Variants in ABR observed in about 807,000 individuals in gnomAD.
ABR encodes the protein ABR activator of RhoGEF and GTPase.
In ABR, 35 loss-of-function variants were observed where a neutral mutation model predicts 107.2. The observed-to-expected ratio is 0.33, with a 90% confidence interval of 0.25 to 0.43. ABR has a LOEUF of 0.43. Ranked by LOEUF, ABR falls within the 20% of genes least tolerant of loss-of-function variation. ABR has a pLI of 1.00. For missense variants in ABR, 815 were observed against 1,115.2 expected, an observed-to-expected ratio of 0.73 and a Z score of 3.83; for synonymous variants, 498 against 462.0, an observed-to-expected ratio of 1.08 and a Z score of -1.00.
intron 16 of ABR, among the ~76,000 whole-genome samples, chr17:1,038,428 G>A (rs746262593): frequency 3.9e-5 from 6 of 152,310 alleles, no homozygotes; most frequent in Non-Finnish European, 7.4e-5. Context: ...GTGGCTGTGG[G>A]TTCGCCCTGG....
chr17:1,049,987 C>G, intron 16 of ABR, 63 bp downstream of exon 16: 10 of 1,558,438 alleles, frequency 6.4e-6, no homozygotes, highest in Non-Finnish European at 8.6e-6. Flanking sequence ...GACCAGAATT[C>G]CTTTTCAACT....
Position 1,179,542 on chromosome 17 carries a change from G to T in ABR, c.61+125C>A. 1 of 1,015,558 alleles carries T rather than the reference G, an allele frequency of 9.8e-7. No individual in the cohort carries two copies. Among genetic ancestry groups the T allele is most frequent in the Non-Finnish European group, 1.3e-6 (1 of 770,434 alleles). 62.9% of individuals were successfully genotyped at this position (1,015,558 alleles called of 1,614,324 possible). A position where few individuals can be genotyped will look rare whatever the true frequency, so the allele number is the denominator to read the frequency against. ...GATCTCGCCCCCGCCCGCGCTCCCCGGACCAGCCCGGTGCCTGGGTCCCGA... is the reference window on the plus strand; with the variant it reads ...GATCTCGCCCCCGCCCGCGCTCCCCTGACCAGCCCGGTGCCTGGGTCCCGA... On this transcript the variant is annotated intron_variant, in intron 1 of 22. Coordinates refer to ENST00000302538, the MANE Select transcript of ABR (RefSeq NM_021962.5). The surrounding 1 kb of genome is among the most constrained non-coding windows in gnomAD (Gnocchi z 4.9).
In ABR at chr17:1,079,322, C is replaced by G. The variant is rs199542216; in HGVS notation, c.700+8G>C. On this transcript the variant is annotated splice_region_variant and intron_variant, in intron 6 of 22. Transcript: ENST00000302538. ...GGTGCCTGTAATCCAGCCCGCTCCC[C>G]GAGGTACCTTCCATGGTGACAGACG... 5.6e-6 allele frequency: 9 copies of G among 1,612,724 alleles called. No homozygotes were observed. Among genetic ancestry groups the G allele is most frequent in the Middle Eastern group, 1.6e-4 (1 of 6,084 alleles).
intron 21 of ABR, among the ~76,000 whole-genome samples, chr17:1,007,655 G>A (rs1449380229): frequency 6.6e-6 from 1 of 152,218 alleles, no homozygotes; most frequent in African/African-American, 2.4e-5. Flanking sequence ...CACACTCGCC[G>A]CAGTCCTTTG....
intron 16 of ABR, among the ~76,000 whole-genome samples, chr17:1,040,048 C>T (rs2030075635): frequency 6.6e-6 from 1 of 152,176 alleles, no homozygotes; most frequent in African/African-American, 2.4e-5. Context: ...GTCAGTGTGG[C>T]CCACGCGTGA....
At chr17:1,198,434 A>C (rs1373624751) in intron 1 of ABR, among the ~76,000 whole-genome samples, 1 of 151,390 alleles carries the variant, frequency 6.6e-6, no homozygotes, top group Non-Finnish European at 1.5e-5. Context: ...CCTCTGCCTG[A>C]TTCTGCAATC....
At chr17:1,032,930 G>A (rs955934512) in intron 16 of ABR, among the ~76,000 whole-genome samples, 6 of 152,172 alleles carry the variant, frequency 3.9e-5, no homozygotes, top group Admixed American at 6.5e-5. Flanking sequence ...TCAAACGCCC[G>A]ACTGCATGTG....
chr17:1,216,165 G>T (rs774614970), intron 1 of ABR, among the ~76,000 whole-genome samples: 33 of 151,120 alleles, frequency 2.2e-4, no homozygotes, highest in Non-Finnish European at 2.4e-4. Context: ...ACCCAAGAAT[G>T]ATCAATAAAT....
intron 16 of ABR, among the ~76,000 whole-genome samples, chr17:1,022,749 C>T (rs1047320460): frequency 3.9e-5 from 6 of 152,212 alleles, no homozygotes; most frequent in Non-Finnish European, 8.8e-5. Flanking sequence ...CCAAGGTGTC[C>T]TGCAGCCAAG....
At chr17:1,101,638 T>TGAATGTCCA (rs1320789403) in intron 2 of ABR, among the ~76,000 whole-genome samples, 1 of 152,208 alleles carries the variant, frequency 6.6e-6, no homozygotes, top group Non-Finnish European at 1.5e-5. Flanking sequence ...AAATATTTAC[T>TGAATGTCCA]GAATGTCCAC....
At chr17:1,038,031 C>T (rs1027784712) in intron 16 of ABR, among the ~76,000 whole-genome samples, 4 of 152,278 alleles carry the variant, frequency 2.6e-5, no homozygotes, top group East Asian at 1.9e-4. Flanking sequence ...CTGCCCACCT[C>T]GTCGGATAAA....
intron 1 of ABR, among the ~76,000 whole-genome samples, chr17:1,213,908 G>A (rs1245885369): frequency 1.3e-5 from 2 of 151,916 alleles, no homozygotes; most frequent in Non-Finnish European, 2.9e-5. Context: ...TGTTTTTTGA[G>A]ACCGAGTCTC....
At chr17:1,099,629 A>G (rs2037733106) in intron 3 of ABR, among the ~76,000 whole-genome samples, 1 of 152,246 alleles carries the variant, frequency 6.6e-6, no homozygotes, top group South Asian at 2.1e-4. Flanking sequence ...ATCACTCTGC[A>G]TAACATCCAG....
chr17:1,153,461 G>A (rs1379898208), intron 1 of ABR, among the ~76,000 whole-genome samples: 6 of 135,938 alleles, frequency 4.4e-5, no homozygotes, highest in Admixed American at 1.4e-4. Context: ...GCACACCTGC[G>A]GGAGGGCTGG....
intron 1 of ABR, among the ~76,000 whole-genome samples, chr17:1,160,318 A>G (rs1222859193): frequency 6.6e-6 from 1 of 151,832 alleles, no homozygotes; most frequent in Non-Finnish European, 1.5e-5. Flanking sequence ...AAAAGGACTA[A>G]CACAGCCTCT....
intron 1 of ABR, among the ~76,000 whole-genome samples, chr17:1,178,564 C>CAAAAA (rs11301468): frequency 1.1e-4 from 13 of 121,870 alleles, no homozygotes; most frequent in African/African-American, 3.4e-4. Context: ...GACTCCGTCT[C>CAAAAA]AAAAAAAAAA....
chr17:1,150,566 C>A lies in ABR; in HGVS notation c.62-25199G>T, dbSNP rs1339619981. Among the ~76,000 whole-genome samples the A allele has an allele frequency of 1.3e-5, 2 of 152,196 alleles. No individual in the cohort carries two copies. The highest frequency in any genetic ancestry group is 4.8e-5 in the African/African-American group (2 of 41,442). On this transcript the variant is annotated intron_variant, in intron 1 of 22. Transcript: ENST00000302538. The surrounding 1 kb of genome is among the most constrained non-coding windows in gnomAD (Gnocchi z 4.8). ...GAGGACGGGCCCCGGGCATGGCAAGCGCACTGCCCCCTCTCACTCCTCCGG... is the reference window on the plus strand; with the variant it reads ...GAGGACGGGCCCCGGGCATGGCAAGAGCACTGCCCCCTCTCACTCCTCCGG...
intron 16 of ABR, among the ~76,000 whole-genome samples, chr17:1,026,770 G>A (rs914979911): frequency 1.3e-5 from 2 of 152,226 alleles, no homozygotes; most frequent in Non-Finnish European, 2.9e-5. Context: ...AGTTCACAGG[G>A]GAAACGAGGT....
chr17:1,178,459 G>A (rs943832747), intron 1 of ABR, among the ~76,000 whole-genome samples: 1 of 152,006 alleles, frequency 6.6e-6, no homozygotes, highest in Non-Finnish European at 1.5e-5. Context: ...AGCTACTCAG[G>A]AGGCTGAGGC....
Sources: allele counts gnomAD v4.1 joint callset (sites outside exome capture counted in the v4.1 genomes callset), GRCh38; gene constraint gnomAD v4.1.1; non-coding constraint Gnocchi (gnomAD v3.1); transcripts MANE v1.5; gene names NCBI Gene and HGNC (gene_info 2026-07-23, HGNC 2026-07-21).